DCHS2: variants seen among roughly 807,000 people sequenced by gnomAD.
DCHS2 encodes protocadherin-23.
Under a neutral mutation model 182.4 loss-of-function variants are expected in DCHS2, and 142 were observed. The observed-to-expected ratio is 0.78, with a 90% confidence interval of 0.68 to 0.89. The LOEUF (loss-of-function observed/expected upper bound fraction) is 0.89. Ranked by LOEUF, DCHS2 falls within the 40% of genes least tolerant of loss-of-function variation. The probability of loss-of-function intolerance (pLI) is 0.00; values close to 1 mark genes in which losing one functional copy is unlikely to be tolerated. For missense variants in DCHS2, 4,319 were observed against 4,198.6 expected (o/e 1.03, Z -0.79); for synonymous variants, 1,740 against 1,663.3 (o/e 1.05, Z -1.12).
chr4:154,329,843 G>A, intron 5 of DCHS2, 133 bp from the exon 6 acceptor site: 1 of 734,548 alleles, frequency 1.4e-6, no homozygotes, highest in Non-Finnish European at 2.1e-6. Flanking sequence ...CTACATAGTA[G>A]TTTGGCTCTA....
At chr4:154,365,573 G>T (rs188310648) in intron 3 of DCHS2, among the ~76,000 whole-genome samples, 1 of 151,912 alleles carries the variant, frequency 6.6e-6, no homozygotes, top group African/African-American at 2.4e-5. Flanking sequence ...CAAACTCCTG[G>T]CCTCGAGCCA....
At chr4:154,313,246 C>G (rs1735735382) in intron 10 of DCHS2, among the ~76,000 whole-genome samples, 1 of 152,136 alleles carries the variant, frequency 6.6e-6, no homozygotes, top group African/African-American at 2.4e-5. Context: ...CAATGGCGCT[C>G]TTGTTGATGG....
At chr4:154,445,716 T>G (rs1352303144) in intron 1 of DCHS2, among the ~76,000 whole-genome samples, 1 of 148,180 alleles carries the variant, frequency 6.7e-6, no homozygotes, top group African/African-American at 2.5e-5. Flanking sequence ...GAGGCTGAAG[T>G]GGGAGGATTA....
chr4:154,491,360 C>A lies in DCHS2; in HGVS notation c.-5G>T, dbSNP rs1342804069. On this transcript the variant is annotated 5_prime_UTR_variant, in exon 1 of 20. Coordinates refer to ENST00000357232, the MANE Select transcript of DCHS2 (RefSeq NM_001358235.2). ...CTTCCGCCCACAAGGGCTCATTTCTCCTCCAGCTCCTTGGGAAGGCTCTCG... is the reference window on the plus strand; with the variant it reads ...CTTCCGCCCACAAGGGCTCATTTCTACTCCAGCTCCTTGGGAAGGCTCTCG... 6.6e-7 allele frequency: 1 copy of A among 1,507,736 alleles called. No individual in the cohort carries two copies. Among genetic ancestry groups the A allele is most frequent in the African/African-American group, 1.4e-5 (1 of 71,750 alleles). 93.4% of individuals were successfully genotyped at this position (1,507,736 alleles called of 1,614,324 possible).
At chr4:154,337,413 A>G (rs1728862779) in intron 3 of DCHS2, among the ~76,000 whole-genome samples, 1 of 152,154 alleles carries the variant, frequency 6.6e-6, no homozygotes. Flanking sequence ...ACTCCTTCTG[A>G]ACTATTTTTA....
At chr4:154,360,583 A>G (rs1422781819) in intron 3 of DCHS2, among the ~76,000 whole-genome samples, 1 of 152,164 alleles carries the variant, frequency 6.6e-6, no homozygotes, top group Non-Finnish European at 1.5e-5. Flanking sequence ...TATTAACTGT[A>G]TACCAGAATG....
At chr4:154,464,958 G>C (rs575495696) in intron 1 of DCHS2, among the ~76,000 whole-genome samples, 1 of 152,208 alleles carries the variant, frequency 6.6e-6, no homozygotes, top group African/African-American at 2.4e-5. Flanking sequence ...GTCTCCCCAG[G>C]TTTCCTAAAG....
At chr4:154,239,324 A>G in intron 18 of DCHS2, 22 bp from the exon 19 acceptor site, 3 of 1,611,414 alleles carry the variant, frequency 1.9e-6, no homozygotes, top group Non-Finnish European at 2.5e-6. Context: ...AGAGAAAAAT[A>G]GGGACATTGT....
chr4:154,256,620 G>A (rs1732687664), intron 15 of DCHS2, among the ~76,000 whole-genome samples: 1 of 152,046 alleles, frequency 6.6e-6, no homozygotes, highest in Non-Finnish European at 1.5e-5. Flanking sequence ...TTATGTTAGT[G>A]GATTTGGTAT....
chr4:154,351,356 G>T (rs1216555847), intron 3 of DCHS2, among the ~76,000 whole-genome samples: 3 of 152,098 alleles, frequency 2.0e-5, no homozygotes, highest in African/African-American at 7.2e-5. Context: ...TCAAATACTT[G>T]CCATTTTTAT....
intron 13 of DCHS2, among the ~76,000 whole-genome samples, chr4:154,279,949 C>T (rs4365708): frequency 0.74 from 111,463 of 151,536 alleles, 41,482 homozygotes; most frequent in African/African-American, 0.84. Context: ...TTTTGAAAAG[C>T]TTAATAAAAT....
At chr4:154,324,200 T>C (rs1209304550) in intron 7 of DCHS2, among the ~76,000 whole-genome samples, 1 of 152,228 alleles carries the variant, frequency 6.6e-6, no homozygotes, top group Non-Finnish European at 1.5e-5. Flanking sequence ...TTTCAATATA[T>C]TGCCATTTTT....
At chr4:154,357,610 C>T (rs1302438730) in intron 3 of DCHS2, among the ~76,000 whole-genome samples, 1 of 152,184 alleles carries the variant, frequency 6.6e-6, no homozygotes, top group Non-Finnish European at 1.5e-5. Context: ...TCCTTTCTTG[C>T]TGACCTGCCC....
intron 3 of DCHS2, among the ~76,000 whole-genome samples, chr4:154,344,393 A>G (rs1015541875): frequency 6.6e-5 from 10 of 152,234 alleles, no homozygotes; most frequent in Non-Finnish European, 1.2e-4. Flanking sequence ...GGCTGGGCTT[A>G]GATCTGAGCA....
At chr4:154,486,604 T>C (rs1728597296) in intron 1 of DCHS2, 1 of 1,237,676 alleles carries the variant, frequency 8.1e-7, no homozygotes, top group East Asian at 5.7e-5. Context: ...AGCAAAGCCA[T>C]GGAACACAGG....
At chr4:154,392,631 C>T (rs1357565255) in intron 1 of DCHS2, among the ~76,000 whole-genome samples, 2 of 152,126 alleles carry the variant, frequency 1.3e-5, no homozygotes, top group African/African-American at 2.4e-5. Flanking sequence ...AGCAGCTTTG[C>T]TTCATGGAGG....
chr4:154,480,627 TAATTA>T (rs1735883692), intron 1 of DCHS2, among the ~76,000 whole-genome samples: 2 of 152,222 alleles, frequency 1.3e-5, no homozygotes, highest in Non-Finnish European at 2.9e-5. Flanking sequence ...AAGTATGCAA[TAATTA>T]CAAATTACTG....
At chr4:154,371,629 T>C (rs1730651057) in intron 2 of DCHS2, among the ~76,000 whole-genome samples, 1 of 152,148 alleles carries the variant, frequency 6.6e-6, no homozygotes, top group African/African-American at 2.4e-5. Context: ...AGAGGTTTAA[T>C]TGGCTCATGG....
chr4:154,377,670 C>T (rs1730972439), intron 1 of DCHS2, among the ~76,000 whole-genome samples: 1 of 152,132 alleles, frequency 6.6e-6, no homozygotes, highest in Non-Finnish European at 1.5e-5. Flanking sequence ...TTGCCCACTC[C>T]TATCTTTTCA....
Sources: gnomAD v4.1 joint callset for allele counts (sites outside exome capture counted in the v4.1 genomes callset) on GRCh38, gnomAD v4.1.1 for gene constraint, MANE v1.5 for transcripts, NCBI Gene and HGNC (gene_info 2026-07-23, HGNC 2026-07-21) for gene names.